Variants in LRRC7 observed in about 807,000 individuals in gnomAD.
The protein encoded by LRRC7 is leucine rich repeat containing 7.
A neutral mutation model predicts 175.7 loss-of-function variants in LRRC7; 23 were observed. That is an observed-to-expected ratio of 0.13 (90% CI 0.09 to 0.19). The LOEUF is 0.19. Ranked by LOEUF, LRRC7 falls within the 10% of genes least tolerant of loss-of-function variation. The pLI, the probability that LRRC7 is intolerant of heterozygous loss-of-function variation, is 1.00. For synonymous variants in LRRC7, 685 were observed against 680.9 expected, an observed-to-expected ratio of 1.01 and a Z score of -0.09; for missense variants, 1,354 against 1,904.7, an observed-to-expected ratio of 0.71 and a Z score of 5.38.
chr1:69,911,853 G>A (rs1160315618), intron 7 of LRRC7, among the ~76,000 whole-genome samples: 1 of 151,560 alleles, frequency 6.6e-6, no homozygotes, highest in Admixed American at 6.6e-5. Flanking sequence ...CACCCGTCAG[G>A]GTATCAACAA....
At chr1:70,101,501 T>C (rs561833754) in intron 25 of LRRC7, among the ~76,000 whole-genome samples, 15 of 152,302 alleles carry the variant, frequency 9.8e-5, no homozygotes, top group African/African-American at 3.4e-4. Context: ...AAAAGCCATA[T>C]AAACTTCCTT....
At chr1:69,667,891 T>A (rs1002955952) in intron 1 of LRRC7, among the ~76,000 whole-genome samples, 1 of 152,180 alleles carries the variant, frequency 6.6e-6, no homozygotes, top group African/African-American at 2.4e-5. Context: ...ATTCCTTTCT[T>A]CCTTCTCGTC....
intron 7 of LRRC7, among the ~76,000 whole-genome samples, chr1:69,869,312 G>T (rs1001542112): frequency 3.3e-5 from 5 of 152,052 alleles, no homozygotes; most frequent in Non-Finnish European, 5.9e-5. Context: ...CAGGATTAAG[G>T]TTACTTGGAT....
At chr1:69,891,658 G>A (rs1441663010) in intron 7 of LRRC7, among the ~76,000 whole-genome samples, 8 of 152,120 alleles carry the variant, frequency 5.3e-5, no homozygotes, top group African/African-American at 1.9e-4. Flanking sequence ...TTTGAACCCA[G>A]GAGGTGGAAG....
chr1:70,057,103 A>G (rs1352307420), intron 23 of LRRC7, among the ~76,000 whole-genome samples: 1 of 152,196 alleles, frequency 6.6e-6, no homozygotes, highest in Non-Finnish European at 1.5e-5. Context: ...TCTTCCTACT[A>G]TTATGATAAG....
At position 70,066,682 on chromosome 1, in the gene LRRC7, T is replaced by C. The variant is rs77183548; in HGVS notation, c.4231-9395T>C. 7.3e-3 allele frequency among the ~76,000 whole-genome samples: 1,105 copies of C among 152,208 alleles called. 4 individuals carry two copies. The highest frequency in any genetic ancestry group is 0.011 in the Non-Finnish European group (728 of 67,928). On this transcript the variant is annotated intron_variant, in intron 23 of 26. Transcript: ENST00000651989. ...CTATGGCTACTATGAAGAAAATTGC[T>C]ATAAACATCTGTGCGCACCTTTTTG...
At position 69,575,434 on chromosome 1, in the gene LRRC7, C is replaced by T. The variant is rs72671189; in HGVS notation, c.2+6793C>T. On this transcript the variant is annotated intron_variant, in intron 1 of 26. Coordinates refer to ENST00000651989, the MANE Select transcript of LRRC7 (RefSeq NM_001370785.2). ...AGTTTAATTTTTGGTCTTAATTATG[C>T]CCTGAGTTTTTATTTGGCTTAAGCA... is the stretch of plus-strand genomic sequence containing the variant. Among the ~76,000 whole-genome samples, 1,162 of 152,164 alleles carry T rather than the reference C, an allele frequency of 7.6e-3. 15 individuals are homozygous for T. The highest frequency in any genetic ancestry group is 0.014 in the Middle Eastern group (4 of 294).
intron 3 of LRRC7, among the ~76,000 whole-genome samples, chr1:69,776,744 T>C (rs1672855725): frequency 6.6e-6 from 1 of 151,882 alleles, no homozygotes; most frequent in Non-Finnish European, 1.5e-5. Context: ...TGTGTCTGTG[T>C]GTGATATTTA....
chr1:70,125,162 G>A lies in LRRC7; in HGVS notation c.*3275G>A, dbSNP rs1386022240. ...AAGTCAGTATGAAATAAAACATTAT[G>A]CTAATGTATTGCTCATTGAAGCCTA... On this transcript the variant is annotated 3_prime_UTR_variant, in exon 27 of 27. Coordinates refer to ENST00000651989, the MANE Select transcript of LRRC7 (RefSeq NM_001370785.2). 6.6e-6 allele frequency among the ~76,000 whole-genome samples: 1 copy of A among 152,158 alleles called. No homozygotes were observed. Among genetic ancestry groups the A allele is most frequent in the Non-Finnish European group, 1.5e-5 (1 of 68,034 alleles).
At chr1:69,679,545 G>A (rs1373116324) in intron 2 of LRRC7, among the ~76,000 whole-genome samples, 2 of 151,956 alleles carry the variant, frequency 1.3e-5, no homozygotes, top group African/African-American at 2.4e-5. Context: ...GTAGATTTAT[G>A]GCTTATAACA....
chr1:70,024,301 A>G (rs925444038), intron 17 of LRRC7, among the ~76,000 whole-genome samples: 1 of 150,730 alleles, frequency 6.6e-6, no homozygotes, highest in Admixed American at 6.6e-5. Context: ...ATATTACATA[A>G]TATATTATAA....
At chr1:70,081,155 G>T (rs969183618) in intron 24 of LRRC7, among the ~76,000 whole-genome samples, 1 of 152,188 alleles carries the variant, frequency 6.6e-6, no homozygotes, top group African/African-American at 2.4e-5. Context: ...CTATTGTGTA[G>T]CCAAGGTTGA....
At chr1:69,728,061 T>A (rs146582376) in intron 2 of LRRC7, among the ~76,000 whole-genome samples, 38 of 152,302 alleles carry the variant, frequency 2.5e-4, no homozygotes, top group African/African-American at 8.7e-4. Flanking sequence ...GAGATGTGTA[T>A]TTACTGGCAG....
chr1:69,964,804 A>C (rs560141369), intron 8 of LRRC7, among the ~76,000 whole-genome samples: 1 of 152,318 alleles, frequency 6.6e-6, no homozygotes, highest in South Asian at 2.1e-4. Flanking sequence ...ACTCTCAGAT[A>C]TTCAAAGGAG....
chr1:69,618,339 T>C (rs1367557073), intron 1 of LRRC7, among the ~76,000 whole-genome samples: 2 of 152,178 alleles, frequency 1.3e-5, no homozygotes, highest in Admixed American at 6.6e-5. Flanking sequence ...TCTTTGGCCA[T>C]ACAGTTTCCT....
At chr1:69,570,326 A>G (rs963174719) in intron 1 of LRRC7, among the ~76,000 whole-genome samples, 16 of 151,872 alleles carry the variant, frequency 1.1e-4, no homozygotes, top group African/African-American at 2.9e-4. Context: ...TAATAATAAT[A>G]ATAATAATAA....
chr1:69,759,220 T>C (rs985995542), intron 2 of LRRC7, among the ~76,000 whole-genome samples: 12 of 152,038 alleles, frequency 7.9e-5, no homozygotes, highest in African/African-American at 2.4e-4. Context: ...GAGTCCTAAG[T>C]ATATTCATTT....
intron 1 of LRRC7, among the ~76,000 whole-genome samples, chr1:69,615,198 G>A (rs965366838): frequency 6.6e-6 from 1 of 151,918 alleles, no homozygotes; most frequent in Middle Eastern, 3.4e-3. Context: ...TTCCATTTAG[G>A]GACTGAAAAT....
At chr1:69,639,395 G>T (rs56118325) in intron 1 of LRRC7, among the ~76,000 whole-genome samples, 3,657 of 151,746 alleles carry the variant, frequency 0.024, 125 homozygotes, top group African/African-American at 0.083. Flanking sequence ...AGCCTAAGTG[G>T]TATGGTTTTC....
Sources: gnomAD v4.1 joint callset for allele counts (sites outside exome capture counted in the v4.1 genomes callset) on GRCh38, gnomAD v4.1.1 for gene constraint, MANE v1.5 for transcripts, NCBI Gene and HGNC (gene_info 2026-07-23, HGNC 2026-07-21) for gene names.